Variants in USP22 observed in about 807,000 individuals in gnomAD.
USP22 encodes the protein ubiquitin carboxyl-terminal hydrolase 22.
A neutral mutation model predicts 68.1 loss-of-function variants in USP22; 22 were observed. The observed-to-expected ratio is 0.32, with a 90% confidence interval of 0.23 to 0.46. USP22 has a LOEUF of 0.46. USP22 is among the 20% of genes least tolerant of loss of function. USP22 has a pLI of 1.00. For missense variants in USP22, 433 were observed against 695.8 expected, an observed-to-expected ratio of 0.62 and a Z score of 4.25; for synonymous variants, 279 against 274.2, an observed-to-expected ratio of 1.02 and a Z score of -0.17.
chr17:21,006,755 G>A (rs761534493), intron 10 of USP22, 141 bp downstream of exon 10: 13 of 543,416 alleles, frequency 2.4e-5, no homozygotes, highest in South Asian at 1.6e-4. Context: ...TGCCCGCTTC[G>A]ACCTCCTGAA....
chr17:21,012,749 A>G, intron 7 of USP22, 81 bp downstream of exon 7: 3 of 1,276,774 alleles, frequency 2.3e-6, no homozygotes, highest in Non-Finnish European at 3.4e-6. Flanking sequence ...CTCTCAGAGC[A>G]CACACAGCTC....
In USP22 at chr17:21,001,282, T is replaced by C. The variant is rs1398322222; in HGVS notation, c.*1749A>G. 2 of 152,212 alleles carry C rather than the reference T, an allele frequency of 1.3e-5. No individual in the cohort carries two copies. The highest frequency in any genetic ancestry group is 4.8e-5 in the African/African-American group (2 of 41,450). The allele number at this position is 152,212 out of a possible 1,614,324, so 9.4% of individuals were successfully genotyped here. ...TCCCTCAGGCTTCTGCCACACATGA[T>C]GGTTCTGCGGGCTGTGATTGCCAAG... is the stretch of plus-strand genomic sequence containing the variant. On this transcript the variant is annotated 3_prime_UTR_variant, in exon 13 of 13. Transcript: ENST00000261497.
intron 2 of USP22, among the ~76,000 whole-genome samples, chr17:21,022,715 C>T (rs1483043872): frequency 7.3e-5 from 11 of 151,006 alleles, no homozygotes; most frequent in Non-Finnish European, 1.2e-4. Flanking sequence ...AGGAGAATGG[C>T]GTGAACCTGG....
chr17:21,028,487 A>G lies in USP22; in HGVS notation c.304+55T>C, dbSNP rs141247774. ...AGTGGAACTGCAAATCAAAAAATCA[A>G]AGAGTAGCAATTTGGGGGCCACAAC... On this transcript the variant is annotated intron_variant, in intron 2 of 12. Coordinates refer to ENST00000261497, the MANE Select transcript of USP22 (RefSeq NM_015276.2). 7.9e-4 allele frequency: 1,256 copies of G among 1,595,546 alleles called. 13 individuals are homozygous for G. In the African/African-American group the frequency reaches 0.015, roughly 19 times the overall value.
At chr17:21,029,655 G>A (rs1156850356) in intron 1 of USP22, among the ~76,000 whole-genome samples, 1 of 152,234 alleles carries the variant, frequency 6.6e-6, no homozygotes, top group African/African-American at 2.4e-5. Flanking sequence ...CAACAGATGA[G>A]TGGATGAACA....
rs8079236 is a variant in USP22 at position 21,007,790 on chromosome 17, C to T, written c.1230+80G>A. The T allele has an allele frequency of 8.0e-4, 1,245 of 1,563,742 alleles. 13 individuals are homozygous for T. In the African/African-American group the frequency reaches 0.015, roughly 19 times the overall value. On this transcript the variant is annotated intron_variant, in intron 9 of 12. Coordinates refer to ENST00000261497, the MANE Select transcript of USP22 (RefSeq NM_015276.2). Reference sequence around the variant, plus strand: ...TGCAATTATAAAAAATGTAACTGCACAGCAAACCAAAAGGCTGAGGACCGT... The same window carrying T: ...TGCAATTATAAAAAATGTAACTGCATAGCAAACCAAAAGGCTGAGGACCGT...
At chr17:21,031,436 AT>A (rs1414048110) in intron 1 of USP22, among the ~76,000 whole-genome samples, 1 of 152,256 alleles carries the variant, frequency 6.6e-6, no homozygotes, top group African/African-American at 2.4e-5. Context: ...TACACACTCC[AT>A]TATAGTCTAT....
chr17:21,040,143 C>T (rs1394154936), intron 1 of USP22, among the ~76,000 whole-genome samples: 1 of 152,116 alleles, frequency 6.6e-6, no homozygotes, highest in Non-Finnish European at 1.5e-5. Flanking sequence ...CCATTGCACT[C>T]CATCCTGGGT....
intron 1 of USP22, among the ~76,000 whole-genome samples, chr17:21,038,362 A>G (rs909588214): frequency 7.2e-5 from 11 of 152,218 alleles, no homozygotes; most frequent in Non-Finnish European, 2.9e-5. Context: ...CTGAGCCAGT[A>G]AAGACAGACT....
chr17:21,022,993 T>C (rs1972175673), intron 2 of USP22, among the ~76,000 whole-genome samples: 1 of 152,206 alleles, frequency 6.6e-6, no homozygotes. Context: ...ATACCATGTA[T>C]ACATAAAATG....
intron 6 of USP22, among the ~76,000 whole-genome samples, chr17:21,014,750 A>G (rs150671956): frequency 6.6e-6 from 1 of 152,118 alleles, no homozygotes; most frequent in African/African-American, 2.4e-5. Context: ...TGTTCTCTAA[A>G]AGACTCCAAG....
At chr17:21,003,375 ACT>A (rs887041284) in intron 12 of USP22, among the ~76,000 whole-genome samples, 4 of 152,072 alleles carry the variant, frequency 2.6e-5, no homozygotes, top group African/African-American at 9.7e-5. Flanking sequence ...TGCAGAGCCC[ACT>A]GTTTTCAAGT....
upstream of USP22, chr17:21,043,232 G>C (rs987584771): frequency 3.5e-5 from 6 of 170,018 alleles, no homozygotes; most frequent in Non-Finnish European, 7.0e-5. Flanking sequence ...CCGCGCCCGA[G>C]GAAGCGTGGT....
At chr17:21,038,371 C>G (rs1293381305) in intron 1 of USP22, among the ~76,000 whole-genome samples, 1 of 152,118 alleles carries the variant, frequency 6.6e-6, no homozygotes, top group African/African-American at 2.4e-5. Context: ...TAAAGACAGA[C>G]TGAGGCATTG....
At chr17:21,014,150 G>A (rs1914059299) in intron 6 of USP22, among the ~76,000 whole-genome samples, 1 of 152,256 alleles carries the variant, frequency 6.6e-6, no homozygotes, top group African/African-American at 2.4e-5. Flanking sequence ...ACGTAACCAA[G>A]GCCATGTGGC....
At chr17:21,015,368 G>C (rs1293501332) in intron 6 of USP22, among the ~76,000 whole-genome samples, 1 of 152,138 alleles carries the variant, frequency 6.6e-6, no homozygotes, top group Non-Finnish European at 1.5e-5. Flanking sequence ...GAGACAGTTG[G>C]GTGATTAAGT....
chr17:21,005,687 A>G (rs1359563424), intron 10 of USP22, among the ~76,000 whole-genome samples: 1 of 152,182 alleles, frequency 6.6e-6, no homozygotes, highest in Admixed American at 6.5e-5. Context: ...ATGAGAGGAC[A>G]CCAGGAAGAG....
At chr17:21,033,682 A>C (rs1355652704) in intron 1 of USP22, among the ~76,000 whole-genome samples, 1 of 152,196 alleles carries the variant, frequency 6.6e-6, no homozygotes, top group Non-Finnish European at 1.5e-5. Context: ...AGGTAAGTTT[A>C]ATTCTTGTGC....
rs187544292 is a variant in USP22 at position 21,037,548 on chromosome 17, C to T, written c.171+5117G>A. On this transcript the variant is annotated intron_variant, in intron 1 of 12. Transcript: ENST00000261497. ...GAATCATGAGAAAAACATCAGAAAA[C>T]CAAAACTGAGGGACATTCTACAAAC... Among the ~76,000 whole-genome samples, 11 of 152,258 alleles carry T rather than the reference C, an allele frequency of 7.2e-5. 1 individual carries two copies. The East Asian group carries it at 1.2e-3, about 16-fold the overall frequency.
Sources: allele counts gnomAD v4.1 joint callset (sites outside exome capture counted in the v4.1 genomes callset), GRCh38; gene constraint gnomAD v4.1.1; transcripts MANE v1.5; gene names NCBI Gene and HGNC (gene_info 2026-07-23, HGNC 2026-07-21).